PBDC1: variants seen among roughly 807,000 people sequenced by gnomAD.
The protein encoded by PBDC1 is protein PBDC1.
PBDC1 carries 3 observed loss-of-function variants against 12.0 expected under a neutral mutation model. The observed-to-expected ratio is 0.25, with a 90% CI of 0.11 to 0.64. PBDC1 has a LOEUF of 0.64. Among genes scored for constraint, PBDC1 ranks in the 30% least tolerant of loss-of-function variants. The pLI is 0.84. For missense variants in PBDC1, 162 were observed against 168.1 expected, an observed-to-expected ratio of 0.96 and a Z score of 0.20; for synonymous variants, 64 against 56.4, an observed-to-expected ratio of 1.13 and a Z score of -0.60.
chrX:76,177,665 C>T lies in PBDC1; in HGVS notation c.459C>T (p.Gly153=), dbSNP rs782020940. The T allele has an allele frequency of 1.8e-5, 21 of 1,189,994 alleles. No homozygotes were observed. The highest frequency in any genetic ancestry group is 2.4e-5 in the Non-Finnish European group (21 of 889,612). Residue 153 remains glycine (G), a synonymous_variant, in exon 6 of 6, where the codon GGC becomes GGT. Transcript: ENST00000373358. ...FAIEIARNRE[G]YNKAVYISVQ... The stretch of plus-strand genomic sequence containing the variant: ...TTGAAATTGCTCGGAACCGGGAAGG[C>T]TATAACAAAGCTGTTTATATCAGTG...
chrX:76,177,619 C>T lies in PBDC1; in HGVS notation c.413C>T (p.Pro138Leu). 8.5e-7 allele frequency: 1 copy of T among 1,173,077 alleles called. No individual in the cohort carries two copies. The highest frequency in any genetic ancestry group is 1.1e-6 in the Non-Finnish European group (1 of 881,713). Residue 138 changes from proline (P) to leucine (L), a missense_variant, in exon 6 of 6, where the codon CCC (proline) becomes CTC (leucine). By Grantham distance (98) the Pro-to-Leu change is moderately conservative. Transcript: ENST00000373358. ...GYTEENTIFA[P>L]RIQFFAIEIA... is the part of the protein sequence containing the mutation. ...ATCAATTCTGTTCACTTTTCAGCCC[C>T]CAGGATACAATTCTTTGCCATTGAA...
intron 1 of PBDC1, 60 bp from the exon 2 acceptor site, chrX:76,173,524 TG>T: frequency 5.5e-6 from 5 of 911,113 alleles, no homozygotes; most frequent in Non-Finnish European, 6.1e-6. Context: ...CGACTGGCCT[TG>T]GGGGGAGCCA....
Position 76,177,901 on chromosome X carries a change from C to T in PBDC1, c.695C>T (p.Ala232Val). 2 of 1,210,651 alleles carry T rather than the reference C, an allele frequency of 1.7e-6. No individual in the cohort carries two copies. Among genetic ancestry groups the T allele is most frequent in the South Asian group, 3.5e-5 (2 of 56,793 alleles). Residue 232 changes from alanine to valine, a missense_variant, in exon 6 of 6, where the codon GCT becomes GTT. By Grantham distance (64) the Ala-to-Val change is moderately conservative (BLOSUM62 0). Around this residue, in one of 3 missense-constraint regions of PBDC1, gnomAD observed 100 missense variants for 96.2 expected, o/e 1.04. Coordinates refer to ENST00000373358, the MANE Select transcript of PBDC1 (RefSeq NM_016500.5). ...GAAATCAACAAAAGTGGTGAAAAAG[C>T]TATGTAAGGTATACAGGGAACAGCA... is the stretch of plus-strand genomic sequence containing the variant. Reference protein sequence around the residue: ...DKEINKSGEKAM With the variant: ...DKEINKSGEKVM
Position 76,176,932 on chromosome X carries a change from T to G in PBDC1, c.349T>G (p.Tyr117Asp), listed in dbSNP as rs782519092. ...KFNGIVEDFNYGTLLRLDCSQ... is the reference protein window; with the variant it reads ...KFNGIVEDFNDGTLLRLDCSQ... ...TAATGGGATTGTTGAAGACTTCAACTATGGTACTTTGCTGCGACTAGATTG... is the reference window on the plus strand; with the variant it reads ...TAATGGGATTGTTGAAGACTTCAACGATGGTACTTTGCTGCGACTAGATTG... Residue 117 changes from tyrosine to aspartate, a missense_variant, in exon 5 of 6, where the codon TAT becomes GAT. Coordinates refer to ENST00000373358, the MANE Select transcript of PBDC1 (RefSeq NM_016500.5). 2 of 1,208,146 alleles carry G rather than the reference T, an allele frequency of 1.7e-6. No homozygotes were observed. The highest frequency in any genetic ancestry group is 2.2e-6 in the Non-Finnish European group (2 of 892,902).
intron 1 of PBDC1, 30 bp from the exon 2 acceptor site, chrX:76,173,555 G>T (rs1924713441): frequency 8.7e-7 from 1 of 1,146,224 alleles, no homozygotes; most frequent in Admixed American, 2.4e-5. Context: ...GCCTTGGGGG[G>T]AGCCTTGAAC....
Position 76,177,760 on chromosome X carries a change from A to G in PBDC1, c.554A>G (p.Glu185Gly). 2 of 1,207,474 alleles carry G rather than the reference A, an allele frequency of 1.7e-6. No homozygotes were observed. The highest frequency in any genetic ancestry group is 3.6e-5 in the South Asian group (2 of 56,045). The stretch of plus-strand genomic sequence containing the variant: ...AAAAGAGCTGACAGTGGAGAAGAAG[A>G]GAACACCAAGAATGGAGGAGAGAAA... ...GEKRADSGEEENTKNGGEKGA... is the reference protein window; with the variant it reads ...GEKRADSGEEGNTKNGGEKGA... Residue 185 changes from glutamate to glycine, a missense_variant, in exon 6 of 6, where the codon GAG becomes GGG. By Grantham distance (98) the Glu-to-Gly change is moderately conservative (BLOSUM62 -2). Coordinates refer to ENST00000373358, the MANE Select transcript of PBDC1 (RefSeq NM_016500.5).
chrX:76,175,588 A>G lies in PBDC1; in HGVS notation c.272A>G (p.Glu91Gly). 8.3e-7 allele frequency: 1 copy of G among 1,202,238 alleles called. No homozygotes were observed. The highest frequency in any genetic ancestry group is 1.1e-6 in the Non-Finnish European group (1 of 891,058). ...TLRIDVLDPE[E>G]LKSESAKEKW... is the part of the protein sequence containing the mutation. ...AGGATAGATGTGTTGGACCCAGAAGAACTCAAGTCAGAATCAGCCAAAGAG... is the reference window on the plus strand; with the variant it reads ...AGGATAGATGTGTTGGACCCAGAAGGACTCAAGTCAGAATCAGCCAAAGAG... The change falls in exon 4 of 6, where the codon GAA becomes GGA. Residue 91 changes from glutamate to glycine, a missense_variant. This residue lies in a region of PBDC1 where 21 missense variants were observed against 43.4 expected (regional missense o/e 0.48). Coordinates refer to ENST00000373358, the MANE Select transcript of PBDC1 (RefSeq NM_016500.5).
chrX:76,177,641 T>C lies in PBDC1; in HGVS notation c.435T>C (p.Ile145=). The C allele has an allele frequency of 8.5e-7, 1 of 1,183,264 alleles. No individual in the cohort carries two copies. The highest frequency in any genetic ancestry group is 1.1e-6 in the Non-Finnish European group (1 of 886,687). ...CCCCCAGGATACAATTCTTTGCCAT[T>C]GAAATTGCTCGGAACCGGGAAGGCT... is the stretch of plus-strand genomic sequence containing the variant. ...IFAPRIQFFA[I]EIARNREGYN... The change falls in exon 6 of 6, where the codon ATT becomes ATC. Residue 145 remains isoleucine, a synonymous_variant. Coordinates refer to ENST00000373358, the MANE Select transcript of PBDC1 (RefSeq NM_016500.5).
chrX:76,177,504 T>C, intron 5 of PBDC1, 112 bp from the exon 6 acceptor site: 1 of 656,283 alleles, frequency 1.5e-6, no homozygotes, highest in Non-Finnish European at 2.3e-6. Context: ...TAAGCTGTGA[T>C]TGTGCCACTG....
rs1556796554 is a variant in PBDC1 at position 76,173,101 on chromosome X, T to A, written c.-38T>A. 1 of 1,165,160 alleles carries A rather than the reference T, an allele frequency of 8.6e-7. No homozygotes were observed. The highest frequency in any genetic ancestry group is 1.1e-6 in the Non-Finnish European group (1 of 870,222). On this transcript the variant is annotated 5_prime_UTR_variant, in exon 1 of 6. Coordinates refer to ENST00000373358, the MANE Select transcript of PBDC1 (RefSeq NM_016500.5). ...ACTCTGATCCGGCTCAGCTTTCCAA[T>A]CAGCTGCGGAAGGAGCCACGCTTTC...
rs1370216836 is a variant in PBDC1, at chrX:76,173,291, G to A, written c.30+123G>A. 6.5e-6 allele frequency: 4 copies of A among 613,481 alleles called. No homozygotes were observed. In the African/African-American group the frequency reaches 9.3e-5, roughly 14 times the overall value. 50.6% of individuals were successfully genotyped at this position (613,481 alleles called of 1,213,427 possible). A position where few individuals can be genotyped will look rare whatever the true frequency, so the allele number is the denominator to read the frequency against. On this transcript the variant is annotated intron_variant, in intron 1 of 5. Coordinates refer to ENST00000373358, the MANE Select transcript of PBDC1 (RefSeq NM_016500.5). ...GCTGGAGTGCAGTGGTGGGATCACC[G>A]CTTACTGCAGCCTCGACCTCCAGCG...
intron 2 of PBDC1, among the ~76,000 whole-genome samples, chrX:76,174,605 G>C (rs892679231): frequency 1.5e-4 from 17 of 112,351 alleles, no homozygotes; most frequent in African/African-American, 4.9e-4. Flanking sequence ...CTGAGAAGGT[G>C]ATTTATCTCC....
At chrX:76,175,323 G>A in intron 3 of PBDC1, 150 bp from the exon 4 acceptor site, 1 of 548,799 alleles carries the variant, frequency 1.8e-6, no homozygotes, top group Non-Finnish European at 2.9e-6. Context: ...CTTAAACTGT[G>A]TCATGATTTC....
chrX:76,173,529 G>T, intron 1 of PBDC1, 56 bp from the exon 2 acceptor site: 1 of 957,224 alleles, frequency 1.0e-6, no homozygotes. Flanking sequence ...GGCCTTGGGG[G>T]GAGCCACCGC....
In PBDC1 at chrX:76,177,788, A is replaced by T; in HGVS notation, c.582A>T (p.Gly194=). 1 of 1,203,464 alleles carries T rather than the reference A, an allele frequency of 8.3e-7. No homozygotes were observed. The highest frequency in any genetic ancestry group is 1.1e-6 in the Non-Finnish European group (1 of 891,602). Residue 194 remains glycine (G), a synonymous_variant, in exon 6 of 6, where the codon GGA becomes GGT. Coordinates refer to ENST00000373358, the MANE Select transcript of PBDC1 (RefSeq NM_016500.5). ...EENTKNGGEK[G]ADSGEEKEEG... is the part of the protein sequence containing the mutation. ...ACACCAAGAATGGAGGAGAGAAAGG[A>T]GCTGATAGTGGAGAAGAAAAAGAGG...
chrX:76,176,742 C>T (rs1924802852), intron 4 of PBDC1, 139 bp from the exon 5 acceptor site: 2 of 444,540 alleles, frequency 4.5e-6, no homozygotes, highest in Non-Finnish European at 8.0e-6. Flanking sequence ...TTGCTAGTTT[C>T]ACTGTGAAAC....
Position 76,177,798 on chromosome X carries a change from G to A in PBDC1, c.592G>A (p.Gly198Arg). The A allele has an allele frequency of 8.3e-7, 1 of 1,201,609 alleles. No individual in the cohort carries two copies. The highest frequency in any genetic ancestry group is 1.1e-6 in the Non-Finnish European group (1 of 890,635). The change falls in exon 6 of 6, where the codon GGA (glycine) becomes AGA (arginine). Residue 198 changes from glycine (G) to arginine (R), a missense_variant. Physicochemically the swap from Gly to Arg is moderately radical, Grantham distance 125 (BLOSUM62 -2). This residue lies in a region of PBDC1 where 100 missense variants were observed against 96.2 expected (regional missense o/e 1.04). Transcript: ENST00000373358. ...KNGGEKGADS[G>R]EEKEEGINRE... ...TGGAGGAGAGAAAGGAGCTGATAGT[G>A]GAGAAGAAAAAGAGGAAGGAATCAA... is the stretch of plus-strand genomic sequence containing the variant.
rs186412652 is a variant in PBDC1, at chrX:76,176,814, C to T, written c.298-67C>T. 5.3e-5 allele frequency: 35 copies of T among 665,510 alleles called. No homozygotes were observed. In the African/African-American group the frequency reaches 6.7e-4, roughly 13 times the overall value. 54.8% of individuals were successfully genotyped at this position (665,510 alleles called of 1,213,427 possible). On this transcript the variant is annotated intron_variant, in intron 4 of 5. Transcript: ENST00000373358. ...TTTCCTTACTGGGAAAATGGAAGTCCCTCTCCTGGCCTTAGTACGTCAGCC... is the reference window on the plus strand; with the variant it reads ...TTTCCTTACTGGGAAAATGGAAGTCTCTCTCCTGGCCTTAGTACGTCAGCC...
In PBDC1 at chrX:76,173,126, CG is replaced by C; in HGVS notation, c.-8del. On this transcript the variant is annotated 5_prime_UTR_variant, in exon 1 of 6. Coordinates refer to ENST00000373358, the MANE Select transcript of PBDC1 (RefSeq NM_016500.5). ...TCAGCTGCGGAAGGAGCCACGCTTTCGGGGGTTGCAAGATGGCGGCCACCAG... is the reference window on the plus strand; with the variant it reads ...TCAGCTGCGGAAGGAGCCACGCTTTCGGGGTTGCAAGATGGCGGCCACCAG... 1 of 1,175,035 alleles carries C rather than the reference CG, an allele frequency of 8.5e-7. No individual in the cohort carries two copies. Among genetic ancestry groups the C allele is most frequent in the Non-Finnish European group, 1.1e-6 (1 of 876,419 alleles).
Sources: gnomAD v4.1 joint callset for allele counts (sites outside exome capture counted in the v4.1 genomes callset) on GRCh38, gnomAD v4.1.1 for gene constraint, gnomAD v4.1.1 regional missense constraint, MANE v1.5 for transcripts, NCBI Gene and HGNC (gene_info 2026-07-23, HGNC 2026-07-21) for gene names.